Variants in MTHFD1L observed in about 807,000 individuals in gnomAD.
The protein encoded by MTHFD1L is monofunctional C1-tetrahydrofolate synthase, mitochondrial.
MTHFD1L carries 81 observed loss-of-function variants against 119.5 expected under a neutral mutation model. That is an observed-to-expected ratio of 0.68 (90% CI 0.57 to 0.82). The LOEUF is 0.82. MTHFD1L is among the 40% of genes least tolerant of loss of function. The pLI, the probability that MTHFD1L is intolerant of heterozygous loss-of-function variation, is 0.00. For missense variants in MTHFD1L, 1,125 were observed against 1,253.4 expected (o/e 0.90, Z 1.55); for synonymous variants, 430 against 475.2 (o/e 0.90, Z 1.24).
At chr6:151,083,805 C>T (rs536203556) in intron 26 of MTHFD1L, among the ~76,000 whole-genome samples, 34 of 152,148 alleles carry the variant, frequency 2.2e-4, no homozygotes, top group African/African-American at 8.2e-4. Context: ...TCTAGCTGGC[C>T]ATGAAAGAGT....
intron 8 of MTHFD1L, among the ~76,000 whole-genome samples, chr6:150,906,922 C>T (rs1378668440): frequency 6.6e-6 from 1 of 151,840 alleles, no homozygotes; most frequent in African/African-American, 2.4e-5. Flanking sequence ...GAGCTGTGGC[C>T]CTAATGGCTC....
chr6:151,065,593 G>A (rs1040841242), intron 26 of MTHFD1L, among the ~76,000 whole-genome samples: 2 of 152,236 alleles, frequency 1.3e-5, no homozygotes, highest in Non-Finnish European at 2.9e-5. Flanking sequence ...TCTGTTCACA[G>A]TGTGATCTGC....
intron 21 of MTHFD1L, among the ~76,000 whole-genome samples, chr6:151,010,452 A>C (rs1230294060): frequency 6.6e-6 from 1 of 152,162 alleles, no homozygotes; most frequent in Non-Finnish European, 1.5e-5. Context: ...TTCATCTAAA[A>C]CTATTTTCCT....
At chr6:150,964,908 G>T in intron 18 of MTHFD1L, 61 bp from the exon 19 acceptor site, 1 of 1,541,188 alleles carries the variant, frequency 6.5e-7, no homozygotes, top group Non-Finnish European at 9.0e-7. Flanking sequence ...AAGTGCCAAG[G>T]GGTTAACCAT....
chr6:150,987,558 G>A (rs1392581400), intron 20 of MTHFD1L, among the ~76,000 whole-genome samples: 1 of 152,216 alleles, frequency 6.6e-6, no homozygotes, highest in Non-Finnish European at 1.5e-5. Flanking sequence ...TCTTGCAGGT[G>A]AGAAAACTGA....
At chr6:150,955,870 C>A in intron 16 of MTHFD1L, 125 bp from the exon 17 acceptor site, 1 of 751,124 alleles carries the variant, frequency 1.3e-6, no homozygotes, top group Non-Finnish European at 2.3e-6. Flanking sequence ...AGATGGTCAG[C>A]TTGGGGGAGC....
intron 20 of MTHFD1L, among the ~76,000 whole-genome samples, chr6:151,007,489 C>T (rs1781570698): frequency 6.6e-6 from 1 of 152,108 alleles, no homozygotes; most frequent in Non-Finnish European, 1.5e-5. Flanking sequence ...CAGTATGCAC[C>T]AAGAAAAACC....
chr6:151,002,152 C>T (rs780763625), intron 20 of MTHFD1L, among the ~76,000 whole-genome samples: 2 of 152,160 alleles, frequency 1.3e-5, no homozygotes, highest in Non-Finnish European at 2.9e-5. Context: ...CCAAGCAGCT[C>T]AGCTAGGGAA....
chr6:150,947,427 C>G (rs1216124341), intron 15 of MTHFD1L, among the ~76,000 whole-genome samples: 1 of 150,774 alleles, frequency 6.6e-6, no homozygotes, highest in Non-Finnish European at 1.5e-5. Flanking sequence ...TTTATTTACA[C>G]AAAATAAATA....
intron 1 of MTHFD1L, among the ~76,000 whole-genome samples, chr6:150,872,218 G>C (rs1461530527): frequency 6.6e-6 from 1 of 152,114 alleles, no homozygotes; most frequent in Non-Finnish European, 1.5e-5. Flanking sequence ...CACGGGAGTA[G>C]CACTTTTAAA....
chr6:150,937,751 TA>T (rs1792354441), intron 12 of MTHFD1L, among the ~76,000 whole-genome samples: 1 of 152,120 alleles, frequency 6.6e-6, no homozygotes, highest in Admixed American at 6.6e-5. Flanking sequence ...GCCGCATCTC[TA>T]AAAGTCCAAA....
At chr6:151,084,226 A>G (rs1793500817) in intron 26 of MTHFD1L, among the ~76,000 whole-genome samples, 1 of 152,186 alleles carries the variant, frequency 6.6e-6, no homozygotes, top group Admixed American at 6.5e-5. Flanking sequence ...GCTACCAAAG[A>G]AGACATTCTG....
intron 26 of MTHFD1L, among the ~76,000 whole-genome samples, chr6:151,049,227 G>C (rs1399002530): frequency 6.6e-6 from 1 of 152,212 alleles, no homozygotes; most frequent in African/African-American, 2.4e-5. Flanking sequence ...CACAGTGGCT[G>C]ACGCCAGTAA....
In MTHFD1L at chr6:151,063,172, C is replaced by T. The variant is rs1298659168; in HGVS notation, c.2847+26055C>T. On this transcript the variant is annotated intron_variant, in intron 26 of 27. Transcript: ENST00000367321. ...AGCCTTTTTAGGACTAGATTGGATA[C>T]ATTTACATGTTTGCTGGCTGTTTTT... 1.3e-5 allele frequency among the ~76,000 whole-genome samples: 2 copies of T among 152,160 alleles called. 1 individual carries two copies. The highest frequency in any genetic ancestry group is 1.3e-4 in the Admixed American group (2 of 15,272).
intron 16 of MTHFD1L, among the ~76,000 whole-genome samples, chr6:150,953,885 C>T (rs569087270): frequency 3.9e-5 from 6 of 152,290 alleles, no homozygotes; most frequent in African/African-American, 1.4e-4. Flanking sequence ...CCATGTACAT[C>T]TTGGGAAGAA....
intron 24 of MTHFD1L, among the ~76,000 whole-genome samples, chr6:151,025,398 C>T (rs919437314): frequency 5.9e-5 from 9 of 152,186 alleles, no homozygotes; most frequent in Non-Finnish European, 1.0e-4. Context: ...TAATGCAAGC[C>T]CTTGCACCTA....
At chr6:151,064,512 A>G (rs925453909) in intron 26 of MTHFD1L, among the ~76,000 whole-genome samples, 2 of 151,860 alleles carry the variant, frequency 1.3e-5, no homozygotes, top group Non-Finnish European at 2.9e-5. Flanking sequence ...ACAGGGTTTT[A>G]CCATCTTGGC....
chr6:151,036,934 C>A, intron 25 of MTHFD1L, 31 bp from the exon 26 acceptor site: 1 of 1,610,714 alleles, frequency 6.2e-7, no homozygotes, highest in South Asian at 1.1e-5. Context: ...ACATCTGTAT[C>A]AGTGAACACA....
intron 16 of MTHFD1L, among the ~76,000 whole-genome samples, chr6:150,949,799 C>T (rs1725961164): frequency 6.6e-6 from 1 of 152,120 alleles, no homozygotes; most frequent in Non-Finnish European, 1.5e-5. Context: ...AAGTTAGGAG[C>T]CCTGAGTGTG....
Sources: gnomAD v4.1 joint callset for allele counts (sites outside exome capture counted in the v4.1 genomes callset) on GRCh38, gnomAD v4.1.1 for gene constraint, MANE v1.5 for transcripts, NCBI Gene and HGNC (gene_info 2026-07-23, HGNC 2026-07-21) for gene names.